Variants in CHN2 observed in about 807,000 individuals in gnomAD.
The protein encoded by CHN2 is chimerin 2.
CHN2 carries 35 observed loss-of-function variants against 56.3 expected under a neutral mutation model. That is an observed-to-expected ratio of 0.62 (90% confidence interval 0.47 to 0.82). The LOEUF (loss-of-function observed/expected upper bound fraction) is 0.82. Among genes scored for constraint, CHN2 ranks in the 40% least tolerant of loss-of-function variants. The pLI is 0.00. For missense variants in CHN2, 491 were observed against 580.5 expected, an observed-to-expected ratio of 0.85 and a Z score of 1.58; for synonymous variants, 210 against 212.8, an observed-to-expected ratio of 0.99 and a Z score of 0.12.
intron 1 of CHN2, among the ~76,000 whole-genome samples, chr7:29,350,237 C>T (rs1432390913): frequency 6.6e-6 from 1 of 152,130 alleles, no homozygotes; most frequent in Non-Finnish European, 1.5e-5. Flanking sequence ...TTCTGCATTT[C>T]ATTTTCCTCA....
chr7:29,278,489 A>G (rs1791411118), intron 1 of CHN2, among the ~76,000 whole-genome samples: 1 of 151,268 alleles, frequency 6.6e-6, no homozygotes, highest in Non-Finnish European at 1.5e-5. Flanking sequence ...AAATTGGCCC[A>G]TGAGCCACAG....
intron 1 of CHN2, among the ~76,000 whole-genome samples, chr7:29,287,202 A>G (rs1228794999): frequency 6.6e-6 from 1 of 152,154 alleles, no homozygotes; most frequent in Non-Finnish European, 1.5e-5. Context: ...TCTCCTGGCA[A>G]AAATACGCTT....
intron 1 of CHN2, among the ~76,000 whole-genome samples, chr7:29,251,937 A>T (rs1788551358): frequency 6.6e-6 from 1 of 152,160 alleles, no homozygotes; most frequent in African/African-American, 2.4e-5. Flanking sequence ...TAAATTTTAT[A>T]TCCATCTCAA....
At chr7:29,462,820 T>C (rs563060023) in intron 6 of CHN2, among the ~76,000 whole-genome samples, 1 of 151,998 alleles carries the variant, frequency 6.6e-6, no homozygotes, top group Non-Finnish European at 1.5e-5. Context: ...AACGTGCAGG[T>C]TTGTTACATA....
rs144845974 is a variant in CHN2 at position 29,504,921 on chromosome 7, A to G, written c.991+100A>G. On this transcript the variant is annotated intron_variant, in intron 10 of 12. Coordinates refer to ENST00000222792, the MANE Select transcript of CHN2 (RefSeq NM_004067.4). ...TAGAAATGGGGTTTCAGAACTACTA[A>G]GAGTTGTTCTTCAAGAAACGGAGGA... 1.6e-4 allele frequency: 126 copies of G among 777,898 alleles called. No homozygotes were observed. The African/African-American group carries it at 2.0e-3, about 13-fold the overall frequency. The allele number at this position is 777,898 out of a possible 1,614,324, so 48.2% of individuals were successfully genotyped here.
At chr7:29,198,088 T>C in intron 1 of CHN2, 1 of 455,362 alleles carries the variant, frequency 2.2e-6, no homozygotes, top group Non-Finnish European at 4.4e-6. Context: ...TTGCTGCTGC[T>C]GATGTAGGAG....
chr7:29,367,318 G>A (rs903279393), intron 2 of CHN2, among the ~76,000 whole-genome samples: 10 of 152,166 alleles, frequency 6.6e-5, no homozygotes, highest in African/African-American at 2.4e-4. Flanking sequence ...TATTTAAGAT[G>A]AGAAAGGGCC....
In CHN2 at chr7:29,340,339, A is replaced by G. The variant is rs1796942287; in HGVS notation, c.50-14286A>G. 2.0e-5 allele frequency among the ~76,000 whole-genome samples: 3 copies of G among 151,370 alleles called. No individual in the cohort carries two copies. The South Asian group carries it at 6.3e-4, about 32-fold the overall frequency. ...TGTTATGAAAAGTTTTTATATTCAG[A>G]AATCTTTTGGGGGAAGATCTCATCA... On this transcript the variant is annotated intron_variant, in intron 1 of 12. Coordinates refer to ENST00000222792, the MANE Select transcript of CHN2 (RefSeq NM_004067.4).
intron 1 of CHN2, among the ~76,000 whole-genome samples, chr7:29,198,422 A>C (rs1783910032): frequency 6.6e-6 from 1 of 152,258 alleles, no homozygotes; most frequent in African/African-American, 2.4e-5. Context: ...CAACTGAGAC[A>C]TAACAAATGA....
intron 1 of CHN2, among the ~76,000 whole-genome samples, chr7:29,244,508 C>T (rs1204895333): frequency 2.0e-5 from 3 of 152,196 alleles, no homozygotes; most frequent in Non-Finnish European, 2.9e-5. Context: ...CGCCGACTAT[C>T]GGCAGATACT....
At chr7:29,242,485 T>A (rs1787757718) in intron 1 of CHN2, among the ~76,000 whole-genome samples, 1 of 152,170 alleles carries the variant, frequency 6.6e-6, no homozygotes, top group Non-Finnish European at 1.5e-5. Context: ...AATGGCAGCA[T>A]CTTTAAGGCA....
chr7:29,321,885 A>G (rs1247454806), intron 1 of CHN2, among the ~76,000 whole-genome samples: 2 of 151,954 alleles, frequency 1.3e-5, no homozygotes, highest in Non-Finnish European at 2.9e-5. Context: ...ACTTTTCTAT[A>G]CCTTCTGACA....
chr7:29,339,081 T>G (rs1796838896), intron 1 of CHN2, among the ~76,000 whole-genome samples: 1 of 152,216 alleles, frequency 6.6e-6, no homozygotes, highest in South Asian at 2.1e-4. Flanking sequence ...CTCAATTACA[T>G]TCTGGAAAAG....
At chr7:29,341,499 C>A (rs540574907) in intron 1 of CHN2, among the ~76,000 whole-genome samples, 14 of 152,022 alleles carry the variant, frequency 9.2e-5, no homozygotes, top group Admixed American at 2.6e-4. Flanking sequence ...TCAATAGTAT[C>A]TCTATTGACA....
At chr7:29,444,742 A>G (rs756071534) in intron 6 of CHN2, among the ~76,000 whole-genome samples, 2 of 152,218 alleles carry the variant, frequency 1.3e-5, no homozygotes, top group Non-Finnish European at 2.9e-5. Context: ...AGTGGCTTGC[A>G]TATCCAGAGA....
chr7:29,214,459 C>T (rs1259342662), intron 1 of CHN2, among the ~76,000 whole-genome samples: 1 of 152,166 alleles, frequency 6.6e-6, no homozygotes, highest in African/African-American at 2.4e-5. Context: ...CTTTGTGGAT[C>T]AGTATTGACG....
Position 29,201,730 on chromosome 7 carries a change from C to T in CHN2, c.49+6740C>T, listed in dbSNP as rs889064320. ...TGGCTACCATATTGGACTACACAGACACAAAACATTTTTATCATTTTTTAC... is the reference window on the plus strand; with the variant it reads ...TGGCTACCATATTGGACTACACAGATACAAAACATTTTTATCATTTTTTAC... On this transcript the variant is annotated intron_variant, in intron 1 of 12. Transcript: ENST00000222792. Among the ~76,000 whole-genome samples, 7 of 152,146 alleles carry T rather than the reference C, an allele frequency of 4.6e-5. No homozygotes were observed. In the East Asian group the frequency reaches 1.2e-3, roughly 25 times the overall value.
chr7:29,149,819 C>T (rs1479473974), intron 2 of CHN2, among the ~76,000 whole-genome samples: 1 of 152,194 alleles, frequency 6.6e-6, no homozygotes, highest in Non-Finnish European at 1.5e-5. Context: ...TGTCTTTTCA[C>T]AGTGTCTCCC....
chr7:29,376,287 C>G (rs1315311632), intron 3 of CHN2: 4 of 152,200 alleles, frequency 2.6e-5, no homozygotes, highest in African/African-American at 9.7e-5. Context: ...ATGGATGCTA[C>G]GCCCACCACA....
Sources: gnomAD v4.1 joint callset for allele counts (sites outside exome capture counted in the v4.1 genomes callset) on GRCh38, gnomAD v4.1.1 for gene constraint, MANE v1.5 for transcripts, NCBI Gene and HGNC (gene_info 2026-07-23, HGNC 2026-07-21) for gene names.